PCDHGA10: variants seen among roughly 807,000 people sequenced by gnomAD.
The protein encoded by PCDHGA10 is protocadherin gamma subfamily A, 10, also known as protocadherin gamma-A10.
In PCDHGA10, 42 loss-of-function variants were observed where a neutral mutation model predicts 59.5. The observed-to-expected ratio is 0.71, with a 90% CI of 0.55 to 0.91. The LOEUF (loss-of-function observed/expected upper bound fraction) is 0.91, where lower values mean the gene tolerates loss of function less well. Among genes scored for constraint, PCDHGA10 ranks in the 40% least tolerant of loss-of-function variants. PCDHGA10 has a pLI of 0.00. For missense variants in PCDHGA10, 1,111 were observed against 1,198.2 expected (o/e 0.93, Z 1.07); for synonymous variants, 511 against 517.2 (o/e 0.99, Z 0.16).
In PCDHGA10 at chr5:141,419,435, C is replaced by A. The variant is rs2096382649; in HGVS notation, c.2436+3824C>A. The A allele has an allele frequency of 2.5e-6, 4 of 1,613,108 alleles. No individual in the cohort carries two copies. In the African/African-American group the frequency reaches 4.0e-5, roughly 16 times the overall value. ...GCGCGCCTTCGACCACGAGCAGCTG[C>A]GCACCTTCGAGCTCACGCTGCAGGC... is the stretch of plus-strand genomic sequence containing the variant. On this transcript the variant is annotated intron_variant, in intron 1 of 3. Transcript: ENST00000398610.
In PCDHGA10 at chr5:141,491,623, G is replaced by C; in HGVS notation, c.2437-3184G>C. On this transcript the variant is annotated intron_variant, in intron 1 of 3. Coordinates refer to ENST00000398610, the MANE Select transcript of PCDHGA10 (RefSeq NM_018913.3). The surrounding 1 kb of genome is among the most constrained non-coding windows in gnomAD (Gnocchi z 6.9). ...CTTCACTTTTCTAAGACCCCTCAGC[G>C]TTCAGCAGCCCACAGCTCTGGCGCT... 1 of 1,613,930 alleles carries C rather than the reference G, an allele frequency of 6.2e-7. No individual in the cohort carries two copies. Among genetic ancestry groups the C allele is most frequent in the Non-Finnish European group, 8.5e-7 (1 of 1,180,020 alleles).
At position 141,421,819 on chromosome 5, in the gene PCDHGA10, G is replaced by C. The variant is rs752366104; in HGVS notation, c.2436+6208G>C. The C allele has an allele frequency of 3.8e-5, 61 of 1,613,688 alleles. No homozygotes were observed. Among genetic ancestry groups the C allele is most frequent in the Non-Finnish European group, 4.9e-5 (58 of 1,179,892 alleles). ...GGCCAAGAATCCAGAGCTAGTACTG[G>C]AGGGAAGCCTGGACCGAGAGAAAGA... On this transcript the variant is annotated intron_variant, in intron 1 of 3. Coordinates refer to ENST00000398610, the MANE Select transcript of PCDHGA10 (RefSeq NM_018913.3).
At chr5:141,446,128 G>T (rs1242643475) in intron 1 of PCDHGA10, among the ~76,000 whole-genome samples, 1 of 152,188 alleles carries the variant, frequency 6.6e-6, no homozygotes, top group Admixed American at 6.5e-5. Context: ...GGTTCAATAA[G>T]ACTTAATAAT....
intron 1 of PCDHGA10, among the ~76,000 whole-genome samples, chr5:141,437,771 A>G (rs971065583): frequency 7.9e-5 from 12 of 151,238 alleles, no homozygotes; most frequent in Admixed American, 6.6e-5. Context: ...CAGAGTCTCA[A>G]TCTGTCGCCA....
At chr5:141,419,584 C>T in intron 1 of PCDHGA10, 1 of 1,611,798 alleles carries the variant, frequency 6.2e-7, no homozygotes, top group Non-Finnish European at 8.5e-7. Context: ...CCGCGCTCTT[C>T]GACACAGTGC....
In PCDHGA10 at chr5:141,415,153, G is replaced by T; in HGVS notation, c.1978G>T (p.Ala660Ser). 2.5e-6 allele frequency: 4 copies of T among 1,613,780 alleles called. No homozygotes were observed. Among genetic ancestry groups the T allele is most frequent in the Non-Finnish European group, 3.4e-6 (4 of 1,180,010 alleles). ...VQDHGQPPLS[A>S]TVTLTVAVAD... ...GGACCACGGCCAGCCCCCTCTCTCC[G>T]CCACTGTCACGCTCACCGTGGCCGT... Residue 660 changes from alanine (A) to serine (S), a missense_variant, in exon 1 of 4, where the codon GCC (alanine) becomes TCC (serine). Transcript: ENST00000398610.
At chr5:141,427,814 G>T in intron 1 of PCDHGA10, 2 of 1,526,562 alleles carry the variant, frequency 1.3e-6, no homozygotes, top group South Asian at 2.2e-5. Context: ...CACAGAGCGG[G>T]GTGGTGGTCG....
chr5:141,489,844 C>T lies in PCDHGA10; in HGVS notation c.2437-4963C>T, dbSNP rs1004902910. 4.3e-6 allele frequency: 7 copies of T among 1,614,148 alleles called. No homozygotes were observed. The African/African-American group carries it at 9.3e-5, about 22-fold the overall frequency. ...GCTGGTGCTAGAGCAGCAGCTGGAT[C>T]GTGAAGCCCAGGCAAGACATCAGCT... On this transcript the variant is annotated intron_variant, in intron 1 of 3. Transcript: ENST00000398610. The surrounding 1 kb of genome is among the most constrained non-coding windows in gnomAD (Gnocchi z 4.5).
Position 141,413,313 on chromosome 5 carries a change from C to T in PCDHGA10, c.138C>T (p.Gly46=), listed in dbSNP as rs1346034749. The T allele has an allele frequency of 1.9e-6, 3 of 1,613,842 alleles. No homozygotes were observed. The African/African-American group carries it at 4.0e-5, about 22-fold the overall frequency. Residue 46 remains glycine, a synonymous_variant, in exon 1 of 4, where the codon GGC becomes GGT. Transcript: ENST00000398610. The stretch of plus-strand genomic sequence containing the variant: ...CAATTCCTGAGGAATTAGAGAAAGG[C>T]TCTTTCGTGGGCAACATCTCCAAGG... ...SYSIPEELEK[G]SFVGNISKDL...
At chr5:141,508,903 G>A (rs1410291297) in intron 3 of PCDHGA10, among the ~76,000 whole-genome samples, 1 of 152,086 alleles carries the variant, frequency 6.6e-6, no homozygotes, top group East Asian at 1.9e-4. Flanking sequence ...GGGCGGGGCG[G>A]TGGCGGATCT....
rs747159210 is a variant in PCDHGA10, at chr5:141,511,184, A to C, written c.*11A>C. 1.2e-5 allele frequency: 19 copies of C among 1,613,876 alleles called. No homozygotes were observed. In the Admixed American group the frequency reaches 3.2e-4, roughly 27 times the overall value. ...AAGGAGAAGAAGTAACATGGAGGCC[A>C]GGCCAAGAGCCACAGGGCGGCCTCT... is the stretch of plus-strand genomic sequence containing the variant. On this transcript the variant is annotated 3_prime_UTR_variant, in exon 4 of 4. Transcript: ENST00000398610.
intron 1 of PCDHGA10, among the ~76,000 whole-genome samples, chr5:141,434,819 A>G (rs2097719619): frequency 6.6e-6 from 1 of 151,946 alleles, no homozygotes; most frequent in Admixed American, 6.6e-5. Flanking sequence ...TATATCCCTT[A>G]GTACACTTGG....
chr5:141,497,492 C>G (rs954582026), intron 2 of PCDHGA10, among the ~76,000 whole-genome samples: 1 of 151,628 alleles, frequency 6.6e-6, no homozygotes, highest in Non-Finnish European at 1.5e-5. Flanking sequence ...ACCTCTCTCT[C>G]TCTCCTCTCT....
At chr5:141,430,986 C>T (rs549700048) in intron 1 of PCDHGA10, 3 of 1,613,762 alleles carry the variant, frequency 1.9e-6, no homozygotes, top group East Asian at 2.2e-5. Flanking sequence ...CAGCTTTTCG[C>T]CCTGAATCCG....
Position 141,481,770 on chromosome 5 carries a change from G to T in PCDHGA10, c.2437-13037G>T, listed in dbSNP as rs188953511. 6.1e-3 allele frequency among the ~76,000 whole-genome samples: 929 copies of T among 152,184 alleles called. 10 individuals are homozygous for T. Among genetic ancestry groups the T allele is most frequent in the African/African-American group, 0.022 (895 of 41,516 alleles). On this transcript the variant is annotated intron_variant, in intron 1 of 3. Coordinates refer to ENST00000398610, the MANE Select transcript of PCDHGA10 (RefSeq NM_018913.3). ...AGTCCAAGACCAGCCTGGCCAACAT[G>T]GTGAAACCCCGTCTCTACTAAAAAT... is the stretch of plus-strand genomic sequence containing the variant.
At chr5:141,421,320 G>C (rs1561793188) in intron 1 of PCDHGA10, 1 of 1,613,904 alleles carries the variant, frequency 6.2e-7, no homozygotes, top group East Asian at 2.2e-5. Flanking sequence ...GGGCCAGGCA[G>C]ATCCGATATT....
chr5:141,417,905 G>A (rs1462731893), intron 1 of PCDHGA10: 1 of 1,593,646 alleles, frequency 6.3e-7, no homozygotes, highest in Admixed American at 1.8e-5. Flanking sequence ...CCCGCGGCAG[G>A]TACTATTTCC....
intron 1 of PCDHGA10, among the ~76,000 whole-genome samples, chr5:141,444,152 ATTTTTTTTTTTTTTTTTTTTT>A (rs747671382): frequency 8.9e-5 from 3 of 33,882 alleles, no homozygotes; most frequent in Admixed American, 3.9e-4. Context: ...TGTGTACTGG[ATTTTTTTTTTTTTTTTTTTTT>A]TTTTTTTTTT....
Position 141,511,344 on chromosome 5 carries a change from T to G in PCDHGA10, c.*171T>G, listed in dbSNP as rs2099883730. 3 of 1,419,052 alleles carry G rather than the reference T, an allele frequency of 2.1e-6. No homozygotes were observed. Among genetic ancestry groups the G allele is most frequent in the Non-Finnish European group, 2.8e-6 (3 of 1,067,404 alleles). 87.9% of individuals were successfully genotyped at this position (1,419,052 alleles called of 1,614,324 possible). On this transcript the variant is annotated 3_prime_UTR_variant, in exon 4 of 4. Coordinates refer to ENST00000398610, the MANE Select transcript of PCDHGA10 (RefSeq NM_018913.3). The stretch of plus-strand genomic sequence containing the variant: ...CAAGTGCCCAGTCAGCACCTACCCC[T>G]TCCCCCCCAGGGGGTTGAATATGCA...
Sources: allele counts gnomAD v4.1 joint callset (sites outside exome capture counted in the v4.1 genomes callset), GRCh38; gene constraint gnomAD v4.1.1; non-coding constraint Gnocchi (gnomAD v3.1); transcripts MANE v1.5; gene names NCBI Gene and HGNC (gene_info 2026-07-23, HGNC 2026-07-21).